MAP7: variants seen among roughly 807,000 people sequenced by gnomAD.
The protein encoded by MAP7 is ensconsin.
In MAP7, 52 loss-of-function variants were observed where a neutral mutation model predicts 94.8. The observed-to-expected ratio is 0.55, with a 90% CI of 0.44 to 0.69. MAP7 has a LOEUF of 0.69. Ranked by LOEUF, MAP7 falls within the 30% of genes least tolerant of loss-of-function variation. MAP7 has a pLI of 0.00. For synonymous variants in MAP7, 350 were observed against 357.0 expected (o/e 0.98, Z 0.22); for missense variants, 940 against 964.6 (o/e 0.97, Z 0.34).
At chr6:136,465,905 G>A (rs149344327) in intron 1 of MAP7, among the ~76,000 whole-genome samples, 60 of 152,174 alleles carry the variant, frequency 3.9e-4, no homozygotes, top group African/African-American at 1.3e-3. Context: ...TGTTATCTGT[G>A]AAAATGAAGA....
chr6:136,375,996 T>C (rs578187285), intron 7 of MAP7, among the ~76,000 whole-genome samples: 1 of 152,272 alleles, frequency 6.6e-6, no homozygotes, highest in Admixed American at 6.5e-5. Flanking sequence ...GTAAAGACAA[T>C]TTCCCAGCTG....
intron 3 of MAP7, among the ~76,000 whole-genome samples, chr6:136,409,868 A>G (rs747253218): frequency 9.9e-5 from 15 of 152,218 alleles, no homozygotes; most frequent in Non-Finnish European, 1.9e-4. Context: ...GTGTTTGAAT[A>G]TATAAACTAA....
chr6:136,442,222 G>A (rs1200138902), intron 1 of MAP7, among the ~76,000 whole-genome samples: 1 of 151,202 alleles, frequency 6.6e-6, no homozygotes, highest in Non-Finnish European at 1.5e-5. Context: ...GGCCAACATG[G>A]TGAAACCCCG....
chr6:136,531,471 T>C (rs573141479), intron 1 of MAP7, among the ~76,000 whole-genome samples: 1 of 144,430 alleles, frequency 6.9e-6, no homozygotes, highest in East Asian at 2.0e-4. Context: ...AGATGACAGA[T>C]GGGGTGCTTT....
chr6:136,529,581 T>C (rs914612583), intron 1 of MAP7, among the ~76,000 whole-genome samples: 1 of 152,202 alleles, frequency 6.6e-6, no homozygotes, highest in Admixed American at 6.5e-5. Context: ...TTTCTTTAAA[T>C]TGTTAAAGTG....
At chr6:136,504,227 T>C (rs1258486308) in intron 1 of MAP7, among the ~76,000 whole-genome samples, 1 of 152,092 alleles carries the variant, frequency 6.6e-6, no homozygotes, top group Non-Finnish European at 1.5e-5. Context: ...ATTATCTCCC[T>C]GGGAAGGGAA....
intron 1 of MAP7, among the ~76,000 whole-genome samples, chr6:136,517,307 C>T (rs1825150836): frequency 6.6e-6 from 1 of 151,768 alleles, no homozygotes; most frequent in East Asian, 1.9e-4. Flanking sequence ...GGCAGCCTTC[C>T]TAGAAATTTT....
At chr6:136,428,643 A>G (rs1284021977) in intron 1 of MAP7, among the ~76,000 whole-genome samples, 1 of 152,232 alleles carries the variant, frequency 6.6e-6, no homozygotes, top group African/African-American at 2.4e-5. Flanking sequence ...CTATCAAAAT[A>G]GGTTACCAAA....
chr6:136,344,366 T>C, intron 17 of MAP7, 128 bp from the exon 18 acceptor site: 2 of 373,702 alleles, frequency 5.4e-6, no homozygotes, highest in East Asian at 7.6e-5. Context: ...TATATAAGAA[T>C]AGGCAATTCT....
At chr6:136,466,451 A>C (rs1807106579) in intron 1 of MAP7, among the ~76,000 whole-genome samples, 1 of 152,010 alleles carries the variant, frequency 6.6e-6, no homozygotes, top group African/African-American at 2.4e-5. Context: ...AAAAGAAAGA[A>C]GTATGGAAAA....
rs1437646549 is a variant in MAP7, at chr6:136,344,215, T to G, written c.*13A>C. On this transcript the variant is annotated 3_prime_UTR_variant, in exon 18 of 18. Coordinates refer to ENST00000354570, the MANE Select transcript of MAP7 (RefSeq NM_003980.6). ...CTCATTAAATTTCAGCTTTGGTTCT[T>G]CAGAAGAAACACTCATATAACTTCT... 3.8e-6 allele frequency: 5 copies of G among 1,325,126 alleles called. No homozygotes were observed. The highest frequency in any genetic ancestry group is 1.5e-5 in the African/African-American group (1 of 65,714). 82.1% of individuals were successfully genotyped at this position (1,325,126 alleles called of 1,614,324 possible).
chr6:136,425,081 C>T (rs1046322976), intron 1 of MAP7, among the ~76,000 whole-genome samples: 5 of 152,210 alleles, frequency 3.3e-5, no homozygotes, highest in Admixed American at 1.3e-4. Context: ...TCCTATGTGA[C>T]TGACAGGTGT....
intron 7 of MAP7, among the ~76,000 whole-genome samples, chr6:136,376,097 A>C (rs1776036978): frequency 6.6e-6 from 1 of 152,140 alleles, no homozygotes; most frequent in African/African-American, 2.4e-5. Context: ...AATAGGACTG[A>C]AAAGCGGTTT....
intron 1 of MAP7, among the ~76,000 whole-genome samples, chr6:136,547,824 TAC>T (rs570718965): frequency 2.6e-5 from 4 of 151,692 alleles, no homozygotes; most frequent in South Asian, 2.1e-4. Flanking sequence ...GATACACATA[TAC>T]ACACACACAC....
intron 1 of MAP7, among the ~76,000 whole-genome samples, chr6:136,537,962 G>T (rs2129058689): frequency 6.6e-6 from 1 of 152,220 alleles, no homozygotes; most frequent in East Asian, 1.9e-4. Flanking sequence ...TGTAGTTTTA[G>T]TAGAAACAGA....
chr6:136,479,047 AAAAAG>A (rs895923437), intron 1 of MAP7, among the ~76,000 whole-genome samples: 3 of 151,492 alleles, frequency 2.0e-5, no homozygotes, highest in Non-Finnish European at 4.4e-5. Flanking sequence ...AAGAAAAAGA[AAAAAG>A]AAAAGAAAAG....
intron 2 of MAP7, among the ~76,000 whole-genome samples, chr6:136,416,360 A>C (rs1331662274): frequency 2.0e-5 from 3 of 152,142 alleles, no homozygotes; most frequent in African/African-American, 7.2e-5. Context: ...AAACTGATAA[A>C]AATTTATCTT....
intron 8 of MAP7, among the ~76,000 whole-genome samples, chr6:136,371,448 G>T (rs1215513680): frequency 1.3e-5 from 2 of 152,180 alleles, no homozygotes; most frequent in Non-Finnish European, 2.9e-5. Context: ...AGGGTTGGAG[G>T]CCTGACTCAA....
intron 1 of MAP7, among the ~76,000 whole-genome samples, chr6:136,441,266 G>A (rs1797787499): frequency 6.6e-6 from 1 of 152,150 alleles, no homozygotes; most frequent in Admixed American, 6.5e-5. Context: ...TTAAGAGGCA[G>A]TATATTTTAA....
Sources: gnomAD v4.1 joint callset for allele counts (sites outside exome capture counted in the v4.1 genomes callset) on GRCh38, gnomAD v4.1.1 for gene constraint, MANE v1.5 for transcripts, NCBI Gene and HGNC (gene_info 2026-07-23, HGNC 2026-07-21) for gene names.